Variants in INPP4B observed in about 807,000 individuals in gnomAD.
INPP4B encodes inositol polyphosphate-4-phosphatase type II B.
A neutral mutation model predicts 122.5 loss-of-function variants in INPP4B; 55 were observed. The ratio of observed to expected loss-of-function variants is 0.45; its 90% confidence interval spans 0.36 to 0.56. The LOEUF is 0.56. INPP4B is among the 20% of genes least tolerant of loss of function. INPP4B has a pLI of 0.00. For missense variants in INPP4B, 1,000 were observed against 1,097.7 expected (o/e 0.91, Z 1.26); for synonymous variants, 403 against 388.7 (o/e 1.04, Z -0.43).
At chr4:142,621,169 T>C (rs1299558963) in intron 2 of INPP4B, among the ~76,000 whole-genome samples, 1 of 151,910 alleles carries the variant, frequency 6.6e-6, no homozygotes, top group Non-Finnish European at 1.5e-5. Flanking sequence ...TACTTTATTA[T>C]GCAAATTTTC....
intron 11 of INPP4B, among the ~76,000 whole-genome samples, chr4:142,257,361 T>C (rs980587089): frequency 2.0e-5 from 3 of 152,172 alleles, no homozygotes; most frequent in Admixed American, 6.6e-5. Flanking sequence ...CCAGGGCAAT[T>C]AGGCAGGAGA....
At chr4:142,495,193 T>A (rs1822382003) in intron 2 of INPP4B, among the ~76,000 whole-genome samples, 1 of 152,130 alleles carries the variant, frequency 6.6e-6, no homozygotes, top group South Asian at 2.1e-4. Flanking sequence ...ATAAAATTAG[T>A]TCTTAAAAAC....
chr4:142,463,754 G>A (rs920604593), intron 2 of INPP4B, among the ~76,000 whole-genome samples: 4 of 152,024 alleles, frequency 2.6e-5, no homozygotes, highest in African/African-American at 9.7e-5. Context: ...GGTTTTATAA[G>A]ATCTTCCCCC....
At chr4:142,589,160 C>T (rs1211243835) in intron 2 of INPP4B, among the ~76,000 whole-genome samples, 2 of 151,910 alleles carry the variant, frequency 1.3e-5, no homozygotes, top group South Asian at 2.1e-4. Flanking sequence ...AATAACCAAG[C>T]ACAAGGCTTC....
At chr4:142,736,101 G>C (rs987482688) in intron 1 of INPP4B, among the ~76,000 whole-genome samples, 16 of 152,076 alleles carry the variant, frequency 1.1e-4, no homozygotes, top group African/African-American at 3.4e-4. Flanking sequence ...ATAAACTGCA[G>C]CATCACCATC....
At chr4:142,084,128 A>T (rs1293177224) in intron 24 of INPP4B, among the ~76,000 whole-genome samples, 2 of 151,928 alleles carry the variant, frequency 1.3e-5, no homozygotes, top group African/African-American at 4.8e-5. Flanking sequence ...TTTTATTTTT[A>T]TTATTATTAT....
intron 2 of INPP4B, among the ~76,000 whole-genome samples, chr4:142,487,523 C>T (rs1054618214): frequency 5.2e-4 from 79 of 152,072 alleles, no homozygotes; most frequent in Non-Finnish European, 1.1e-3. Context: ...ATTGAAATTA[C>T]ATTAAATTTA....
At chr4:142,832,679 T>A (rs1782293768) in intron 1 of INPP4B, among the ~76,000 whole-genome samples, 1 of 152,160 alleles carries the variant, frequency 6.6e-6, no homozygotes, top group Non-Finnish European at 1.5e-5. Context: ...TTTAGGCAGA[T>A]CAGGGTAACA....
intron 2 of INPP4B, among the ~76,000 whole-genome samples, chr4:142,508,067 C>T (rs570383353): frequency 6.6e-6 from 1 of 152,176 alleles, no homozygotes; most frequent in East Asian, 1.9e-4. Flanking sequence ...GATCTTCTTT[C>T]AGTCTGTTGC....
intron 23 of INPP4B, among the ~76,000 whole-genome samples, chr4:142,087,677 T>G (rs963376111): frequency 6.6e-6 from 1 of 152,216 alleles, no homozygotes; most frequent in African/African-American, 2.4e-5. Context: ...TCACAAAAAC[T>G]GACACAAATG....
intron 21 of INPP4B, among the ~76,000 whole-genome samples, chr4:142,117,194 A>G (rs550049933): frequency 6.5e-4 from 99 of 152,264 alleles, no homozygotes; most frequent in African/African-American, 2.2e-3. Flanking sequence ...AAAAAAGTCC[A>G]GGACCAGATG....
chr4:142,278,921 A>G (rs1749900305), intron 9 of INPP4B, among the ~76,000 whole-genome samples: 1 of 151,960 alleles, frequency 6.6e-6, no homozygotes, highest in Admixed American at 6.6e-5. Flanking sequence ...AGTATGAGGA[A>G]CAGGTCTGAA....
chr4:142,768,425 A>G (rs941836541), intron 1 of INPP4B, among the ~76,000 whole-genome samples: 1 of 152,186 alleles, frequency 6.6e-6, no homozygotes, highest in Non-Finnish European at 1.5e-5. Context: ...CTCTGCCCAG[A>G]GGTCATAGCA....
chr4:142,207,819 C>G (rs1261474372), intron 14 of INPP4B, among the ~76,000 whole-genome samples: 1 of 151,988 alleles, frequency 6.6e-6, no homozygotes, highest in Non-Finnish European at 1.5e-5. Context: ...TGATAAATGG[C>G]AAGAGATTAT....
chr4:142,431,462 C>G (rs1295400715), intron 3 of INPP4B, 77 bp from the exon 4 acceptor site: 1 of 557,604 alleles, frequency 1.8e-6, no homozygotes, highest in African/African-American at 1.9e-5. Flanking sequence ...TAAGTAGAGA[C>G]TGCAACTACA....
intron 1 of INPP4B, among the ~76,000 whole-genome samples, chr4:142,747,184 C>T (rs1319264304): frequency 1.3e-5 from 2 of 150,264 alleles, no homozygotes; most frequent in Non-Finnish European, 3.0e-5. Context: ...AAGAAAAAAT[C>T]AAACAACCCC....
At chr4:142,653,586 A>C (rs1753488875) in intron 2 of INPP4B, among the ~76,000 whole-genome samples, 1 of 152,250 alleles carries the variant, frequency 6.6e-6, no homozygotes, top group Non-Finnish European at 1.5e-5. Flanking sequence ...TCATAAAAGA[A>C]GACATTCATG....
chr4:142,467,443 C>A (rs961913189), intron 2 of INPP4B, among the ~76,000 whole-genome samples: 7 of 152,122 alleles, frequency 4.6e-5, no homozygotes, highest in African/African-American at 1.2e-4. Flanking sequence ...CTATTGCCCC[C>A]CTTTTTGGCC....
intron 5 of INPP4B, among the ~76,000 whole-genome samples, chr4:142,411,286 C>T (rs984834): frequency 1 from 151,956 of 152,356 alleles, 75,781 homozygotes; most frequent in Middle Eastern, 1. Context: ...CAGGGGAGCA[C>T]TTGCTTAACT....
Sources: allele counts gnomAD v4.1 joint callset (sites outside exome capture counted in the v4.1 genomes callset), GRCh38; gene constraint gnomAD v4.1.1; transcripts MANE v1.5; gene names NCBI Gene and HGNC (gene_info 2026-07-23, HGNC 2026-07-21).